Variants in ATRNL1 observed in about 807,000 individuals in gnomAD.
ATRNL1 encodes the protein attractin like 1.
Under a neutral mutation model 182.7 loss-of-function variants are expected in ATRNL1, and 95 were observed. The ratio of observed to expected loss-of-function variants is 0.52; its 90% CI spans 0.44 to 0.62. The LOEUF is 0.62. Ranked by LOEUF, ATRNL1 falls within the 20% of genes least tolerant of loss-of-function variation. ATRNL1 has a pLI of 0.00. For synonymous variants in ATRNL1, 576 were observed against 568.3 expected, an observed-to-expected ratio of 1.01 and a Z score of -0.19; for missense variants, 1,471 against 1,679.5, an observed-to-expected ratio of 0.88 and a Z score of 2.17.
At chr10:115,513,573 A>C (rs1311510598) in intron 24 of ATRNL1, among the ~76,000 whole-genome samples, 2 of 152,006 alleles carry the variant, frequency 1.3e-5, no homozygotes, top group African/African-American at 4.8e-5. Flanking sequence ...TATATGCATA[A>C]ATGTATACCC....
At chr10:115,727,397 T>A in intron 27 of ATRNL1, 42 bp downstream of exon 27, 1 of 1,421,748 alleles carries the variant, frequency 7.0e-7, no homozygotes, top group Non-Finnish European at 9.9e-7. Context: ...GTGCTTTGCA[T>A]ATTTATTATA....
chr10:115,094,979 C>A (rs782544082), intron 1 of ATRNL1, among the ~76,000 whole-genome samples: 1 of 152,124 alleles, frequency 6.6e-6, no homozygotes, highest in Non-Finnish European at 1.5e-5. Flanking sequence ...GTTTGAAGCT[C>A]AAGGAGCCTA....
At chr10:115,870,997 G>A (rs952593579) in intron 28 of ATRNL1, among the ~76,000 whole-genome samples, 1 of 152,100 alleles carries the variant, frequency 6.6e-6, no homozygotes, top group Non-Finnish European at 1.5e-5. Flanking sequence ...ATTAACTTTA[G>A]CAGAGGAAGT....
intron 10 of ATRNL1, among the ~76,000 whole-genome samples, chr10:115,264,325 A>T (rs1554909791): frequency 6.6e-6 from 1 of 151,618 alleles, no homozygotes; most frequent in East Asian, 1.9e-4. Context: ...TAACTTTTAC[A>T]ACTAACTGTA....
intron 1 of ATRNL1, among the ~76,000 whole-genome samples, chr10:115,102,794 A>T (rs1454027934): frequency 6.6e-6 from 1 of 152,184 alleles, no homozygotes; most frequent in Non-Finnish European, 1.5e-5. Context: ...TTGAAAATTT[A>T]CTTGGTTCAT....
At chr10:115,449,759 G>A (rs1465881092) in intron 21 of ATRNL1, among the ~76,000 whole-genome samples, 1 of 152,160 alleles carries the variant, frequency 6.6e-6, no homozygotes. Context: ...CACCCCTTTT[G>A]TGAGACCCAT....
chr10:115,948,606 C>T lies in ATRNL1; in HGVS notation c.*3827C>T, dbSNP rs1254587115. 6.6e-6 allele frequency: 1 copy of T among 152,164 alleles called. No individual in the cohort carries two copies. Among genetic ancestry groups the T allele is most frequent in the African/African-American group, 2.4e-5 (1 of 41,440 alleles). 9.4% of individuals were successfully genotyped at this position (152,164 alleles called of 1,614,324 possible). ...TAACAAGCTCCTCAGTGCTTCTTAC[C>T]ATTAGGCAAATTAGGGAAACACTGC... On this transcript the variant is annotated 3_prime_UTR_variant, in exon 29 of 29. Coordinates refer to ENST00000355044, the MANE Select transcript of ATRNL1 (RefSeq NM_207303.4).
intron 26 of ATRNL1, among the ~76,000 whole-genome samples, chr10:115,702,343 C>T (rs1462373806): frequency 6.6e-6 from 1 of 151,918 alleles, no homozygotes; most frequent in Non-Finnish European, 1.5e-5. Context: ...GAAGCTTTTC[C>T]CTTGATAATT....
rs140714151 is a variant in ATRNL1 at position 115,280,909 on chromosome 10, A to G, written c.2101-446A>G. On this transcript the variant is annotated intron_variant, in intron 13 of 28. Transcript: ENST00000355044. ...TAACCATTTTATAAGGGGTCAATCT[A>G]TGTTTTCCAGTGGGAGTGGATATGA... Among the ~76,000 whole-genome samples the G allele has an allele frequency of 3.6e-3, 546 of 152,292 alleles. 2 individuals are homozygous for G. Among genetic ancestry groups the G allele is most frequent in the African/African-American group, 0.013 (524 of 41,562 alleles).
intron 26 of ATRNL1, among the ~76,000 whole-genome samples, chr10:115,652,194 C>G (rs1487898357): frequency 1.3e-5 from 2 of 151,758 alleles, no homozygotes; most frequent in African/African-American, 4.8e-5. Flanking sequence ...TTTCTCTATC[C>G]AAACATACCT....
chr10:115,425,511 T>A (rs998671729), intron 20 of ATRNL1, among the ~76,000 whole-genome samples: 1 of 151,956 alleles, frequency 6.6e-6, no homozygotes, highest in Non-Finnish European at 1.5e-5. Flanking sequence ...GCAAACAAGG[T>A]TTTGTGAACT....
chr10:115,197,163 A>T (rs911988265), intron 8 of ATRNL1, among the ~76,000 whole-genome samples: 3 of 151,870 alleles, frequency 2.0e-5, no homozygotes, highest in Middle Eastern at 3.4e-3. Context: ...TGATTTTTTA[A>T]TATGGTGAAT....
chr10:115,309,427 G>GT (rs1219531233), intron 17 of ATRNL1, among the ~76,000 whole-genome samples: 1 of 151,998 alleles, frequency 6.6e-6, no homozygotes, highest in African/African-American at 2.4e-5. Context: ...GTTTCCATTT[G>GT]TTTTTGTCAT....
chr10:115,944,173 G>T (rs1267606323), intron 28 of ATRNL1, among the ~76,000 whole-genome samples: 1 of 150,216 alleles, frequency 6.7e-6, no homozygotes, highest in Non-Finnish European at 1.5e-5. Context: ...AAACCCTAAT[G>T]TAAATTATGG....
At chr10:115,712,783 G>A (rs782353615) in intron 26 of ATRNL1, among the ~76,000 whole-genome samples, 4 of 151,702 alleles carry the variant, frequency 2.6e-5, no homozygotes, top group Admixed American at 6.6e-5. Context: ...CACGATGATC[G>A]CTTGAACCCA....
intron 19 of ATRNL1, among the ~76,000 whole-genome samples, chr10:115,338,820 A>T (rs571873371): frequency 6.6e-6 from 1 of 152,140 alleles, no homozygotes; most frequent in East Asian, 1.9e-4. Flanking sequence ...TGTCCTGGAG[A>T]TTTTTCCCCA....
At chr10:115,549,791 AATT>A (rs1554995027) in intron 26 of ATRNL1, among the ~76,000 whole-genome samples, 2 of 152,034 alleles carry the variant, frequency 1.3e-5, no homozygotes, top group African/African-American at 4.8e-5. Context: ...TAGTGAATAC[AATT>A]ATTATGTTTA....
intron 8 of ATRNL1, among the ~76,000 whole-genome samples, chr10:115,204,279 A>G (rs917979598): frequency 1.3e-5 from 2 of 151,596 alleles, no homozygotes; most frequent in African/African-American, 4.8e-5. Flanking sequence ...GATGTCTTTC[A>G]TTTTTTTCTT....
chr10:115,348,781 A>G (rs1410383767), intron 19 of ATRNL1, among the ~76,000 whole-genome samples: 1 of 152,172 alleles, frequency 6.6e-6, no homozygotes, highest in Admixed American at 6.5e-5. Context: ...TCATTGAAGA[A>G]TCTGGTCTTG....
Sources: allele counts gnomAD v4.1 joint callset (sites outside exome capture counted in the v4.1 genomes callset), GRCh38; gene constraint gnomAD v4.1.1; transcripts MANE v1.5; gene names NCBI Gene and HGNC (gene_info 2026-07-23, HGNC 2026-07-21).